The following KATNAL2 variants were observed in gnomAD, a reference collection of about 807,000 sequenced individuals.
KATNAL2 encodes katanin p60 ATPase-containing subunit A-like 2.
In KATNAL2, 52 loss-of-function variants were observed where a neutral mutation model predicts 76.3. The observed-to-expected ratio is 0.68, with a 90% CI of 0.55 to 0.86. The LOEUF (loss-of-function observed/expected upper bound fraction) is 0.86, where lower values mean the gene tolerates loss of function less well. Ranked by LOEUF, KATNAL2 falls within the 40% of genes least tolerant of loss-of-function variation. KATNAL2 has a pLI of 0.00. For missense variants in KATNAL2, 660 were observed against 668.9 expected, an observed-to-expected ratio of 0.99 and a Z score of 0.15; for synonymous variants, 243 against 244.2, an observed-to-expected ratio of 1.00 and a Z score of 0.05.
rs138919241 is a variant in KATNAL2, at chr18:47,100,880, C to A, written c.1492C>A (p.Pro498Thr). Residue 498 changes from proline to threonine, a missense_variant, in exon 18 of 18, where the codon CCC (proline) becomes ACC (threonine). Physicochemically the swap from Pro to Thr is conservative, Grantham distance 38. Transcript: ENST00000683218. ...TCTTATCCTAGAAAGCAGCGACTTA[C>A]CCAGGATCCAGTTGGATATAGTAAC... ...ENHQSESSDL[P>T]RIQLDIVTTA... The A allele has an allele frequency of 6.2e-7, 1 of 1,614,150 alleles. No homozygotes were observed. Among genetic ancestry groups the A allele is most frequent in the African/African-American group, 1.3e-5 (1 of 75,038 alleles).
chr18:46,937,252 G>T (rs72917159), intron 1 of KATNAL2, among the ~76,000 whole-genome samples: 11,698 of 152,106 alleles, frequency 0.077, 483 homozygotes, highest in African/African-American at 0.1. Context: ...TTTCAATTGA[G>T]AGGCATTCTA....
chr18:46,954,757 C>A (rs2059674152), intron 3 of KATNAL2, among the ~76,000 whole-genome samples: 1 of 151,754 alleles, frequency 6.6e-6, no homozygotes, highest in South Asian at 2.1e-4. Flanking sequence ...AATTCTCCCA[C>A]CTCAGCCTCC....
chr18:46,932,071 C>T (rs558236835), intron 1 of KATNAL2, among the ~76,000 whole-genome samples: 355 of 151,822 alleles, frequency 2.3e-3, no homozygotes, highest in African/African-American at 8.0e-3. Context: ...CTACCATGCC[C>T]GGCTAATTTT....
intron 1 of KATNAL2, among the ~76,000 whole-genome samples, chr18:46,925,406 C>G (rs148960278): frequency 0.046 from 7,057 of 152,252 alleles, 193 homozygotes; most frequent in Non-Finnish European, 0.064. Context: ...ATATGTTGAA[C>G]CAGCCTTGCA....
intron 3 of KATNAL2, chr18:47,035,465 C>T: frequency 1.8e-6 from 2 of 1,125,768 alleles, no homozygotes; most frequent in South Asian, 3.3e-5. Context: ...TTGCAGACAG[C>T]TGAGCAGGCC....
At chr18:47,056,813 C>A (rs1202933499) in intron 6 of KATNAL2, among the ~76,000 whole-genome samples, 1 of 132,750 alleles carries the variant, frequency 7.5e-6, no homozygotes, top group Non-Finnish European at 1.7e-5. Flanking sequence ...CAGACACACA[C>A]ACACACAAAC....
chr18:47,061,563 C>T lies in KATNAL2; in HGVS notation c.550-1409C>T, dbSNP rs1449373011. On this transcript the variant is annotated intron_variant, in intron 8 of 17. Transcript: ENST00000683218. ...ATGAGATTTGGAGGGGGCACACATC[C>T]TTACTACATCAGAATCCAAGCTTTA... Among the ~76,000 whole-genome samples the T allele has an allele frequency of 2.6e-5, 4 of 152,166 alleles. No homozygotes were observed. The East Asian group carries it at 7.7e-4, about 29-fold the overall frequency.
intron 6 of KATNAL2, 151 bp downstream of exon 6, chr18:47,054,589 T>G: frequency 1.4e-6 from 1 of 731,668 alleles, no homozygotes; most frequent in Non-Finnish European, 2.4e-6. Flanking sequence ...CTTCTCTCAT[T>G]ACAGCTGCCC....
chr18:46,924,290 A>G (rs1311463055), intron 1 of KATNAL2, among the ~76,000 whole-genome samples: 1 of 152,234 alleles, frequency 6.6e-6, no homozygotes, highest in Non-Finnish European at 1.5e-5. Flanking sequence ...AGCTTTCTGC[A>G]TATGGCTAGC....
rs975099355 is a variant in KATNAL2, at chr18:47,080,842, T to C, written c.1211+3381T>C. Among the ~76,000 whole-genome samples, 15 of 152,242 alleles carry C rather than the reference T, an allele frequency of 9.9e-5. 1 individual carries two copies. The highest frequency in any genetic ancestry group is 3.4e-4 in the African/African-American group (14 of 41,470). On this transcript the variant is annotated intron_variant, in intron 15 of 17. Coordinates refer to ENST00000683218, the MANE Select transcript of KATNAL2 (RefSeq NM_001387690.1). ...CAATTGCGTATCTTCTTGGGAGAAATGTCTTTTCAAATCCTTTGTCCACTT... is the reference window on the plus strand; with the variant it reads ...CAATTGCGTATCTTCTTGGGAGAAACGTCTTTTCAAATCCTTTGTCCACTT...
intron 3 of KATNAL2, among the ~76,000 whole-genome samples, chr18:47,037,587 CA>C (rs772597679): frequency 3.3e-5 from 5 of 152,082 alleles, no homozygotes; most frequent in Non-Finnish European, 5.9e-5. Context: ...ATGGCCTGGG[CA>C]GAAAGATGTA....
chr18:47,071,043 AT>A (rs1569112457), intron 13 of KATNAL2, among the ~76,000 whole-genome samples: 1 of 151,992 alleles, frequency 6.6e-6, no homozygotes, highest in African/African-American at 2.4e-5. Flanking sequence ...TATATGGGGA[AT>A]TTTTTTCAAC....
chr18:47,034,966 C>T (rs1278461823), intron 3 of KATNAL2: 2 of 1,611,598 alleles, frequency 1.2e-6, no homozygotes, highest in African/African-American at 1.3e-5. Context: ...AAGAGCCTCC[C>T]CGAAGCGCTG....
At chr18:47,056,674 G>C (rs1042255917) in intron 6 of KATNAL2, among the ~76,000 whole-genome samples, 4 of 152,184 alleles carry the variant, frequency 2.6e-5, no homozygotes, top group Admixed American at 2.6e-4. Flanking sequence ...TTGTACATTA[G>C]TGCTCTTGTA....
chr18:46,952,851 T>TTTGTTTCC (rs2059606348), intron 3 of KATNAL2, among the ~76,000 whole-genome samples: 2 of 151,594 alleles, frequency 1.3e-5, no homozygotes, highest in South Asian at 4.2e-4. Flanking sequence ...CTCCCTTCTC[T>TTTGTTTCC]TTGTTTCCTT....
intron 1 of KATNAL2, among the ~76,000 whole-genome samples, chr18:46,926,664 T>C (rs1414827741): frequency 1.3e-5 from 2 of 152,208 alleles, no homozygotes; most frequent in African/African-American, 2.4e-5. Flanking sequence ...CTCATTGATC[T>C]GTCTAATGTT....
intron 1 of KATNAL2, among the ~76,000 whole-genome samples, chr18:46,921,868 C>T (rs1404800571): frequency 1.3e-5 from 2 of 152,084 alleles, no homozygotes; most frequent in African/African-American, 4.8e-5. Flanking sequence ...TTAGACTTTA[C>T]TGATTTTAAT....
chr18:47,060,698 G>C (rs1483483793), intron 8 of KATNAL2, among the ~76,000 whole-genome samples: 1 of 152,122 alleles, frequency 6.6e-6, no homozygotes, highest in African/African-American at 2.4e-5. Flanking sequence ...ACTGAACTCT[G>C]TGTGTGTGAA....
chr18:47,063,890 T>C (rs1233602822), intron 10 of KATNAL2, among the ~76,000 whole-genome samples: 1 of 152,210 alleles, frequency 6.6e-6, no homozygotes, highest in Non-Finnish European at 1.5e-5. Flanking sequence ...TGCCTTTGAT[T>C]TCTAGATCCT....
Sources: gnomAD v4.1 joint callset for allele counts (sites outside exome capture counted in the v4.1 genomes callset) on GRCh38, gnomAD v4.1.1 for gene constraint, MANE v1.5 for transcripts, NCBI Gene and HGNC (gene_info 2026-07-23, HGNC 2026-07-21) for gene names.